NRXN3: variants seen among roughly 807,000 people sequenced by gnomAD.
NRXN3 encodes neurexin 3, also known as neurexin III.
Under a neutral mutation model 137.6 loss-of-function variants are expected in NRXN3, and 32 were observed. The observed-to-expected ratio is 0.23, with a 90% confidence interval of 0.18 to 0.31. NRXN3 has a LOEUF of 0.31. NRXN3 is among the 10% of genes least tolerant of loss of function. NRXN3 has a pLI of 1.00. For synonymous variants in NRXN3, 798 were observed against 784.5 expected (o/e 1.02, Z -0.29); for missense variants, 1,574 against 2,062.5 (o/e 0.76, Z 4.59).
intron 20 of NRXN3, among the ~76,000 whole-genome samples, chr14:79,826,205 C>G (rs1447593922): frequency 6.6e-6 from 1 of 152,088 alleles, no homozygotes; most frequent in East Asian, 1.9e-4. Context: ...AGTGGCCAGG[C>G]TGGTCTCAAA....
At chr14:78,370,440 T>A (rs2086643138) in intron 4 of NRXN3, among the ~76,000 whole-genome samples, 1 of 152,216 alleles carries the variant, frequency 6.6e-6, no homozygotes. Context: ...GATACTTTCC[T>A]TGAAATAGTT....
chr14:79,691,647 G>T (rs1361327509), intron 17 of NRXN3, among the ~76,000 whole-genome samples: 1 of 152,040 alleles, frequency 6.6e-6, no homozygotes, highest in Non-Finnish European at 1.5e-5. Context: ...GGCTTAAATT[G>T]TCCTCTCCTC....
At chr14:78,816,929 T>C (rs1299697277) in intron 10 of NRXN3, among the ~76,000 whole-genome samples, 1 of 152,222 alleles carries the variant, frequency 6.6e-6, no homozygotes, top group Non-Finnish European at 1.5e-5. Flanking sequence ...CAAATATACA[T>C]AGGGATCATT....
intron 19 of NRXN3, among the ~76,000 whole-genome samples, chr14:79,723,639 A>G (rs1490743276): frequency 6.6e-6 from 1 of 152,120 alleles, no homozygotes; most frequent in Non-Finnish European, 1.5e-5. Flanking sequence ...AGACACAGCA[A>G]TGAATTGCCA....
intron 6 of NRXN3, among the ~76,000 whole-genome samples, chr14:78,684,819 C>T (rs1050785324): frequency 2.6e-5 from 4 of 152,168 alleles, no homozygotes; most frequent in African/African-American, 9.7e-5. Flanking sequence ...ATATCCTACT[C>T]CCTCTCATTT....
At chr14:78,244,915 C>T (rs561900161) in intron 2 of NRXN3, among the ~76,000 whole-genome samples, 3 of 152,330 alleles carry the variant, frequency 2.0e-5, no homozygotes, top group African/African-American at 4.8e-5. Flanking sequence ...GGTTGCCCTC[C>T]CTTGCTCACC....
At chr14:79,545,135 G>T (rs2097307387) in intron 16 of NRXN3, among the ~76,000 whole-genome samples, 1 of 152,092 alleles carries the variant, frequency 6.6e-6, no homozygotes, top group Non-Finnish European at 1.5e-5. Flanking sequence ...ATTGATTTCT[G>T]TATTAGCTTT....
rs977703276 is a variant in NRXN3 at position 79,866,689 on chromosome 14, C to T, written c.*4725C>T. On this transcript the variant is annotated 3_prime_UTR_variant, in exon 21 of 21. Transcript: ENST00000335750. ...CTTTGTCGAGTACAAAGGACTCGAGCATATTTGAAATGAAAGGTAATAACT... is the reference window on the plus strand; with the variant it reads ...CTTTGTCGAGTACAAAGGACTCGAGTATATTTGAAATGAAAGGTAATAACT... 10 of 152,220 alleles carry T rather than the reference C, an allele frequency of 6.6e-5. No individual in the cohort carries two copies. The highest frequency in any genetic ancestry group is 1.2e-4 in the Non-Finnish European group (8 of 68,002). The allele number at this position is 152,220 out of a possible 1,614,324, so 9.4% of individuals were successfully genotyped here. A position where few individuals can be genotyped will look rare whatever the true frequency, so the allele number is the denominator to read the frequency against.
chr14:78,501,617 G>A (rs546777622), intron 4 of NRXN3, among the ~76,000 whole-genome samples: 2 of 152,230 alleles, frequency 1.3e-5, no homozygotes, highest in African/African-American at 4.8e-5. Context: ...TAGGAGGTAG[G>A]GATTGTTGTG....
chr14:79,145,730 C>T (rs745757663), intron 15 of NRXN3, among the ~76,000 whole-genome samples: 54 of 152,264 alleles, frequency 3.5e-4, no homozygotes, highest in Non-Finnish European at 6.9e-4. Flanking sequence ...AAAAGGGACT[C>T]ATTTGATATT....
chr14:78,275,434 A>G (rs1458923428), intron 2 of NRXN3, among the ~76,000 whole-genome samples: 1 of 152,208 alleles, frequency 6.6e-6, no homozygotes, highest in Non-Finnish European at 1.5e-5. Flanking sequence ...AAGCTAAGGC[A>G]GTTGCCTCTA....
At chr14:79,827,691 CTT>C (rs71103825) in intron 20 of NRXN3, among the ~76,000 whole-genome samples, 36,414 of 128,670 alleles carry the variant, frequency 0.28, 4,896 homozygotes, top group Admixed American at 0.39. Flanking sequence ...ATGCCACAAA[CTT>C]TTTTTTTTTT....
chr14:79,325,412 CATT>C, intron 15 of NRXN3, among the ~76,000 whole-genome samples: 1 of 152,282 alleles, frequency 6.6e-6, no homozygotes, highest in South Asian at 2.1e-4. Flanking sequence ...GGAGGACTGA[CATT>C]AATGCTTACT....
intron 15 of NRXN3, among the ~76,000 whole-genome samples, chr14:79,116,393 C>G (rs184969070): frequency 1.1e-4 from 16 of 152,312 alleles, no homozygotes; most frequent in Non-Finnish European, 2.1e-4. Flanking sequence ...GCTTCCATCT[C>G]TAAGCTGTAA....
At chr14:79,772,209 A>C (rs2099080869) in intron 19 of NRXN3, among the ~76,000 whole-genome samples, 2 of 152,216 alleles carry the variant, frequency 1.3e-5, no homozygotes, top group Non-Finnish European at 2.9e-5. Flanking sequence ...GCCCAAGGTA[A>C]TTTACAGATT....
At chr14:78,596,729 G>T (rs556663943) in intron 4 of NRXN3, among the ~76,000 whole-genome samples, 1 of 152,322 alleles carries the variant, frequency 6.6e-6, no homozygotes, top group East Asian at 1.9e-4. Context: ...GAGGTGGGAA[G>T]ACACATGGCA....
chr14:79,130,903 T>C (rs1455452043), intron 15 of NRXN3, among the ~76,000 whole-genome samples: 1 of 152,128 alleles, frequency 6.6e-6, no homozygotes, highest in Non-Finnish European at 1.5e-5. Flanking sequence ...TCTCTAAACT[T>C]CCCTTCTCGC....
intron 20 of NRXN3, among the ~76,000 whole-genome samples, chr14:79,846,221 A>G (rs2099371054): frequency 6.6e-6 from 1 of 152,244 alleles, no homozygotes; most frequent in Admixed American, 6.5e-5. Flanking sequence ...TCAATTTATT[A>G]AAAATGTATC....
intron 4 of NRXN3, among the ~76,000 whole-genome samples, chr14:78,504,354 T>C (rs1021481002): frequency 8.5e-5 from 13 of 152,158 alleles, no homozygotes; most frequent in African/African-American, 2.9e-4. Flanking sequence ...TTAGCAGAGG[T>C]ATATGTGACT....
Sources: gnomAD v4.1 joint callset for allele counts (sites outside exome capture counted in the v4.1 genomes callset) on GRCh38, gnomAD v4.1.1 for gene constraint, MANE v1.5 for transcripts, NCBI Gene and HGNC (gene_info 2026-07-23, HGNC 2026-07-21) for gene names.